Variants in PDE6C observed in about 807,000 individuals in gnomAD.
The protein encoded by PDE6C is cone cGMP-specific 3',5'-cyclic phosphodiesterase subunit alpha'.
PDE6C carries 75 observed loss-of-function variants against 113.1 expected under a neutral mutation model. The observed-to-expected ratio is 0.66, with a 90% confidence interval of 0.55 to 0.80. The LOEUF is 0.80. Among genes scored for constraint, PDE6C ranks in the 30% least tolerant of loss-of-function variants. The pLI is 0.00. For synonymous variants in PDE6C, 375 were observed against 363.7 expected, an observed-to-expected ratio of 1.03 and a Z score of -0.35; for missense variants, 912 against 1,038.6, an observed-to-expected ratio of 0.88 and a Z score of 1.67.
intron 8 of PDE6C, 72 bp from the exon 9 acceptor site, chr10:93,634,686 T>C: frequency 1.3e-6 from 2 of 1,500,264 alleles, no homozygotes; most frequent in Non-Finnish European, 1.8e-6. Context: ...TCTTTTGTAA[T>C]ATCCTGTGAA....
chr10:93,651,017 T>A (rs1718508795), intron 15 of PDE6C, among the ~76,000 whole-genome samples: 1 of 152,234 alleles, frequency 6.6e-6, no homozygotes, highest in African/African-American at 2.4e-5. Flanking sequence ...ATTTTATAAT[T>A]GATTTGTCAA....
chr10:93,628,605 A>G (rs932895486), intron 7 of PDE6C, among the ~76,000 whole-genome samples: 1 of 152,136 alleles, frequency 6.6e-6, no homozygotes, highest in African/African-American at 2.4e-5. Flanking sequence ...AAAAAATAAA[A>G]TCAAATAAAA....
chr10:93,613,656 G>A (rs1314955256), intron 1 of PDE6C, among the ~76,000 whole-genome samples: 4 of 152,180 alleles, frequency 2.6e-5, no homozygotes, highest in African/African-American at 7.2e-5. Flanking sequence ...ACAGTCCTTC[G>A]AAAACATTCA....
In PDE6C at chr10:93,622,023, T is replaced by C; in HGVS notation, c.815T>C (p.Leu272Pro). Residue 272 changes from leucine to proline, a missense_variant, in exon 4 of 22, where the codon CTG (leucine) becomes CCG (proline). Leu to Pro is a moderately conservative substitution (Grantham distance 98, BLOSUM62 -3). Coordinates refer to ENST00000371447, the MANE Select transcript of PDE6C (RefSeq NM_006204.4). Reference sequence around the variant, plus strand: ...GCGCTCTACACGGTTAGATCATATCTGAACTGTGAACGATACTCCATTGGA... The same window carrying C: ...GCGCTCTACACGGTTAGATCATATCCGAACTGTGAACGATACTCCATTGGA... The part of the protein sequence containing the change: ...HKALYTVRSY[L>P]NCERYSIGLL... 6.8e-6 allele frequency: 11 copies of C among 1,613,970 alleles called. No homozygotes were observed. Among genetic ancestry groups the C allele is most frequent in the Non-Finnish European group, 9.3e-6 (11 of 1,179,828 alleles).
At chr10:93,622,159 C>A (rs995981633) in intron 4 of PDE6C, 87 bp downstream of exon 4, 3 of 1,271,846 alleles carry the variant, frequency 2.4e-6, no homozygotes, top group African/African-American at 2.9e-5. Context: ...AAAACAGATA[C>A]ACTATGTAAA....
chr10:93,628,776 A>AT (rs1395672722), intron 7 of PDE6C, among the ~76,000 whole-genome samples: 29 of 152,310 alleles, frequency 1.9e-4, no homozygotes, highest in African/African-American at 6.7e-4. Flanking sequence ...AAGTAAAGTG[A>AT]TATCTCTCAC....
chr10:93,655,665 T>C (rs2058634370), intron 15 of PDE6C, 95 bp from the exon 16 acceptor site: 4 of 742,498 alleles, frequency 5.4e-6, no homozygotes, highest in Non-Finnish European at 9.7e-6. Flanking sequence ...AAAAAAGTGT[T>C]GAAAGACTTT....
At chr10:93,652,312 C>T (rs910797576) in intron 15 of PDE6C, among the ~76,000 whole-genome samples, 1 of 152,136 alleles carries the variant, frequency 6.6e-6, no homozygotes, top group African/African-American at 2.4e-5. Flanking sequence ...TCTATATCCA[C>T]AACTTAATAA....
chr10:93,614,979 C>G (rs936111584), intron 1 of PDE6C, among the ~76,000 whole-genome samples: 26 of 152,174 alleles, frequency 1.7e-4, no homozygotes, highest in African/African-American at 6.3e-4. Flanking sequence ...AGTGGGGATT[C>G]CAACTCTGGC....
In PDE6C at chr10:93,640,042, C is replaced by T. The variant is rs766395230; in HGVS notation, c.1483-28C>T. 3.1e-6 allele frequency: 5 copies of T among 1,613,214 alleles called. No homozygotes were observed. The South Asian group carries it at 4.4e-5, about 14-fold the overall frequency. On this transcript the variant is annotated intron_variant, in intron 11 of 21. Coordinates refer to ENST00000371447, the MANE Select transcript of PDE6C (RefSeq NM_006204.4). ...GAAAGGGAAAACAGATGAATGTAAT[C>T]TGAAACAACCCATCCTTATTTCAAC...
chr10:93,664,720 G>C (rs1443997362), intron 21 of PDE6C, among the ~76,000 whole-genome samples: 1 of 152,110 alleles, frequency 6.6e-6, no homozygotes, highest in Non-Finnish European at 1.5e-5. Flanking sequence ...CTACTACATA[G>C]AGAATTCTTT....
chr10:93,612,911 C>T lies in PDE6C; in HGVS notation c.186C>T (p.Cys62=). 2 of 1,614,044 alleles carry T rather than the reference C, an allele frequency of 1.2e-6. No homozygotes were observed. Among genetic ancestry groups the T allele is most frequent in the Middle Eastern group, 3.4e-4 (2 of 5,968 alleles). Residue 62 remains cysteine, a synonymous_variant, in exon 1 of 22, where the codon TGC becomes TGT. Transcript: ENST00000371447. ...CCCAGGTGGAGGAGTCAGCCCTGTGCTTGGAGCTGCTGTGGACCGTGCAGG... is the reference window on the plus strand; with the variant it reads ...CCCAGGTGGAGGAGTCAGCCCTGTGTTTGGAGCTGCTGTGGACCGTGCAGG... ...ELTQVEESAL[C]LELLWTVQEE... is the part of the protein sequence containing the mutation.
intron 4 of PDE6C, among the ~76,000 whole-genome samples, chr10:93,624,190 G>T (rs1044994366): frequency 2.0e-5 from 3 of 151,752 alleles, no homozygotes; most frequent in Non-Finnish European, 4.4e-5. Context: ...TAATTCTGTT[G>T]CTACCCTTCT....
At chr10:93,652,571 C>G (rs1173260007) in intron 15 of PDE6C, among the ~76,000 whole-genome samples, 1 of 152,046 alleles carries the variant, frequency 6.6e-6, no homozygotes, top group Non-Finnish European at 1.5e-5. Context: ...TTTTAAAAAT[C>G]CAGTATTGAC....
chr10:93,630,402 C>T (rs926808911), intron 8 of PDE6C, among the ~76,000 whole-genome samples: 1 of 150,730 alleles, frequency 6.6e-6, no homozygotes, highest in Non-Finnish European at 1.5e-5. Flanking sequence ...CTGTCACCCC[C>T]CACCTGTCAT....
intron 3 of PDE6C, 112 bp downstream of exon 3, chr10:93,621,092 A>G (rs2134594382): frequency 1.2e-6 from 1 of 843,296 alleles, no homozygotes; most frequent in South Asian, 1.3e-5. Context: ...GCCACGTGGA[A>G]CAGATCCCCA....
Position 93,640,254 on chromosome 10 carries a change from G to T in PDE6C, c.1629+38G>T, listed in dbSNP as rs566739060. 20 of 1,582,074 alleles carry T rather than the reference G, an allele frequency of 1.3e-5. No individual in the cohort carries two copies. In the Middle Eastern group the frequency reaches 5.2e-4, roughly 41 times the overall value. ...TTAATTTAAAATACTGTGTGATTCT[G>T]TGGCTCTGCTTCACTGATGTTTTCT... On this transcript the variant is annotated intron_variant, in intron 12 of 21. Transcript: ENST00000371447.
In PDE6C at chr10:93,655,868, C is replaced by T. The variant is rs1315423311; in HGVS notation, c.2036+8C>T. 2 of 1,335,130 alleles carry T rather than the reference C, an allele frequency of 1.5e-6. No individual in the cohort carries two copies. The highest frequency in any genetic ancestry group is 1.7e-5 in the Admixed American group (1 of 59,652). 82.7% of individuals were successfully genotyped at this position (1,335,130 alleles called of 1,614,324 possible). A position where few individuals can be genotyped will look rare whatever the true frequency, so the allele number is the denominator to read the frequency against. On this transcript the variant is annotated splice_region_variant and intron_variant, in intron 16 of 21. Transcript: ENST00000371447. ...CCTGGCTTTATATTTCAAGTAAGTA[C>T]ATAACTCTGCACAGTGGAATGCCCT...
intron 21 of PDE6C, among the ~76,000 whole-genome samples, chr10:93,664,929 C>T (rs1436345754): frequency 6.6e-6 from 1 of 152,210 alleles, no homozygotes; most frequent in African/African-American, 2.4e-5. Context: ...AGTGCAATGG[C>T]ATGATCTCAG....
Sources: gnomAD v4.1 joint callset for allele counts (sites outside exome capture counted in the v4.1 genomes callset) on GRCh38, gnomAD v4.1.1 for gene constraint, MANE v1.5 for transcripts, NCBI Gene and HGNC (gene_info 2026-07-23, HGNC 2026-07-21) for gene names.